TSHZ2: variants seen among roughly 807,000 people sequenced by gnomAD.
The protein encoded by TSHZ2 is teashirt homolog 2.
A neutral mutation model predicts 74.4 loss-of-function variants in TSHZ2; 21 were observed. The ratio of observed to expected loss-of-function variants is 0.28; its 90% CI spans 0.20 to 0.41. TSHZ2 has a LOEUF of 0.41. Ranked by LOEUF, TSHZ2 falls within the 10% of genes least tolerant of loss-of-function variation. The probability of loss-of-function intolerance (pLI) is 1.00; values close to 1 mark genes in which losing one functional copy is unlikely to be tolerated. For synonymous variants in TSHZ2, 540 were observed against 515.3 expected, an observed-to-expected ratio of 1.05 and a Z score of -0.65; for missense variants, 1,244 against 1,293.5, an observed-to-expected ratio of 0.96 and a Z score of 0.59.
intron 1 of TSHZ2, among the ~76,000 whole-genome samples, chr20:53,044,935 C>T (rs1984172624): frequency 6.6e-6 from 1 of 152,156 alleles, no homozygotes; most frequent in Non-Finnish European, 1.5e-5. Flanking sequence ...TGATCTTGAA[C>T]TCCTGGCCTC....
At position 53,025,894 on chromosome 20, in the gene TSHZ2, C is replaced by T. The variant is rs568611668; in HGVS notation, c.40+52561C>T. Among the ~76,000 whole-genome samples the T allele has an allele frequency of 2.6e-5, 4 of 152,188 alleles. No homozygotes were observed. In the South Asian group the frequency reaches 8.3e-4, roughly 32 times the overall value. On this transcript the variant is annotated intron_variant, in intron 1 of 2. Coordinates refer to ENST00000371497, the MANE Select transcript of TSHZ2 (RefSeq NM_173485.6). The stretch of plus-strand genomic sequence containing the variant: ...CTGCCAGTGATACTCTTTCAGCCAC[C>T]CCCACCCATAAAAACATGTAGTTCT...
intron 2 of TSHZ2, among the ~76,000 whole-genome samples, chr20:53,329,750 C>T (rs891734962): frequency 6.6e-6 from 1 of 152,104 alleles, no homozygotes; most frequent in East Asian, 1.9e-4. Flanking sequence ...AAGAAATCAG[C>T]TAAAAACAGC....
At chr20:53,466,145 G>A (rs1985552452) in intron 2 of TSHZ2, among the ~76,000 whole-genome samples, 1 of 151,976 alleles carries the variant, frequency 6.6e-6, no homozygotes. Flanking sequence ...CACTTGGGTG[G>A]CTGAGGCAGG....
intron 1 of TSHZ2, among the ~76,000 whole-genome samples, chr20:53,161,034 G>GT (rs11086416): frequency 0.41 from 61,529 of 149,884 alleles, 13,932 homozygotes; most frequent in African/African-American, 0.62. Flanking sequence ...AAAATGTTTG[G>GT]GGTTTTTTGT....
chr20:53,404,808 G>A (rs1255699076), intron 2 of TSHZ2, among the ~76,000 whole-genome samples: 1 of 151,388 alleles, frequency 6.6e-6, no homozygotes, highest in African/African-American at 2.4e-5. Flanking sequence ...AAGGGTTAGA[G>A]TCTGTAATCA....
intron 1 of TSHZ2, among the ~76,000 whole-genome samples, chr20:53,105,221 C>T (rs1156902161): frequency 6.6e-6 from 1 of 152,178 alleles, no homozygotes; most frequent in Non-Finnish European, 1.5e-5. Context: ...ATGCCTTTTT[C>T]AGTTTACCCC....
intron 2 of TSHZ2, chr20:53,412,617 G>A (rs1182120375): frequency 1.3e-5 from 2 of 152,290 alleles, no homozygotes; most frequent in African/African-American, 4.8e-5. Context: ...GCTCCGGGCA[G>A]AGGCCTCCGT....
chr20:53,373,080 T>C (rs1211316088), intron 2 of TSHZ2, among the ~76,000 whole-genome samples: 1 of 152,160 alleles, frequency 6.6e-6, no homozygotes, highest in Non-Finnish European at 1.5e-5. Flanking sequence ...ATCCTAAACT[T>C]GTTCTTGTGA....
At chr20:53,275,608 C>T (rs920501200) in intron 2 of TSHZ2, among the ~76,000 whole-genome samples, 3 of 152,150 alleles carry the variant, frequency 2.0e-5, no homozygotes, top group African/African-American at 7.2e-5. Context: ...AGTTTGTTGA[C>T]ACTTTTGGAA....
rs118014626 is a variant in TSHZ2 at position 53,087,533 on chromosome 20, G to A, written c.40+114200G>A. ...CATGGACCAAAGTTTTAATTGCCTC[G>A]TGGGTGTCTCTTCCTCTTCACTGGG... On this transcript the variant is annotated intron_variant, in intron 1 of 2. Transcript: ENST00000371497. 5.0e-3 allele frequency among the ~76,000 whole-genome samples: 766 copies of A among 152,270 alleles called. 2 individuals are homozygous for A. The highest frequency in any genetic ancestry group is 8.8e-3 in the Non-Finnish European group (596 of 68,008).
At position 53,074,830 on chromosome 20, in the gene TSHZ2, A is replaced by C. The variant is rs1258296849; in HGVS notation, c.40+101497A>C. On this transcript the variant is annotated intron_variant, in intron 1 of 2. Coordinates refer to ENST00000371497, the MANE Select transcript of TSHZ2 (RefSeq NM_173485.6). This position sits in a 1 kb window ranked among gnomAD's most constrained non-coding sequence, Gnocchi z 5.9. Reference sequence around the variant, plus strand: ...AGATATGTATTGTTAGTCCCATTTAACAGATGAAGCAATTGAGGCTTAGAG... The same window carrying C: ...AGATATGTATTGTTAGTCCCATTTACCAGATGAAGCAATTGAGGCTTAGAG... Among the ~76,000 whole-genome samples, 2 of 152,220 alleles carry C rather than the reference A, an allele frequency of 1.3e-5. No individual in the cohort carries two copies. Among genetic ancestry groups the C allele is most frequent in the African/African-American group, 4.8e-5 (2 of 41,452 alleles).
At chr20:53,053,592 T>TAC (rs1352276387) in intron 1 of TSHZ2, among the ~76,000 whole-genome samples, 1 of 151,978 alleles carries the variant, frequency 6.6e-6, no homozygotes. Context: ...TATATATATA[T>TAC]ATATATATTT....
At position 53,256,595 on chromosome 20, in the gene TSHZ2, G is replaced by A; in HGVS notation, c.*8+24G>A. The A allele has an allele frequency of 5.9e-6, 9 of 1,536,848 alleles. No individual in the cohort carries two copies. Among genetic ancestry groups the A allele is most frequent in the Non-Finnish European group, 7.9e-6 (9 of 1,138,232 alleles). On this transcript the variant is annotated intron_variant, in intron 2 of 2. Coordinates refer to ENST00000371497, the MANE Select transcript of TSHZ2 (RefSeq NM_173485.6). The surrounding 1 kb of genome is among the most constrained non-coding windows in gnomAD (Gnocchi z 4.3). ...AGGTATGGGTTTGCTCTGAGGCATT[G>A]CGATTAGCCTGGTGAGGAGCTTTCT...
At chr20:53,298,874 A>G (rs76737115) in intron 2 of TSHZ2, among the ~76,000 whole-genome samples, 1 of 152,358 alleles carries the variant, frequency 6.6e-6, no homozygotes, top group East Asian at 1.9e-4. Flanking sequence ...ATAACTGTGC[A>G]AAACTTCTTT....
intron 1 of TSHZ2, among the ~76,000 whole-genome samples, chr20:53,160,937 C>T (rs1987918077): frequency 6.6e-6 from 1 of 151,684 alleles, no homozygotes; most frequent in Non-Finnish European, 1.5e-5. Flanking sequence ...AAAATTTCCA[C>T]TAATCTATTA....
At chr20:53,331,929 T>G (rs913358888) in intron 2 of TSHZ2, among the ~76,000 whole-genome samples, 1 of 152,044 alleles carries the variant, frequency 6.6e-6, no homozygotes, top group Non-Finnish European at 1.5e-5. Context: ...ACAGTGACTC[T>G]CGGTCAGGGG....
chr20:53,140,561 AAAAGAG>A (rs1987370919), intron 1 of TSHZ2, among the ~76,000 whole-genome samples: 1 of 147,450 alleles, frequency 6.8e-6, no homozygotes, highest in Admixed American at 6.7e-5. Flanking sequence ...AAAAAAAAAA[AAAAGAG>A]GGACAGTCAC....
chr20:53,223,940 T>G (rs941805042), intron 1 of TSHZ2, among the ~76,000 whole-genome samples: 1 of 151,270 alleles, frequency 6.6e-6, no homozygotes, highest in Non-Finnish European at 1.5e-5. Context: ...CACCCCTAAG[T>G]TTAGGTAAAA....
intron 1 of TSHZ2, among the ~76,000 whole-genome samples, chr20:53,075,872 A>G (rs186701661): frequency 1.4e-3 from 210 of 152,226 alleles, no homozygotes; most frequent in African/African-American, 4.4e-3. Flanking sequence ...TTTACATGCA[A>G]TGGGAGAGAC....
Sources: allele counts gnomAD v4.1 joint callset (sites outside exome capture counted in the v4.1 genomes callset), GRCh38; gene constraint gnomAD v4.1.1; non-coding constraint Gnocchi (gnomAD v3.1); transcripts MANE v1.5; gene names NCBI Gene and HGNC (gene_info 2026-07-23, HGNC 2026-07-21).